The following GNAQ variants were observed in gnomAD, a reference collection of about 807,000 sequenced individuals.
GNAQ encodes the protein guanine nucleotide-binding protein G(q) subunit alpha.
GNAQ carries 8 observed loss-of-function variants against 43.9 expected under a neutral mutation model. That is an observed-to-expected ratio of 0.18 (90% CI 0.11 to 0.33). The LOEUF (loss-of-function observed/expected upper bound fraction) is 0.33, where lower values mean the gene tolerates loss of function less well. GNAQ is among the 10% of genes least tolerant of loss of function. The pLI, the probability that GNAQ is intolerant of heterozygous loss-of-function variation, is 1.00. For synonymous variants in GNAQ, 155 were observed against 170.7 expected, an observed-to-expected ratio of 0.91 and a Z score of 0.71; for missense variants, 158 against 450.8, an observed-to-expected ratio of 0.35 and a Z score of 5.88.
At chr9:77,762,283 G>T (rs1202739687) in intron 5 of GNAQ, among the ~76,000 whole-genome samples, 3 of 117,000 alleles carry the variant, frequency 2.6e-5, no homozygotes, top group African/African-American at 3.2e-5. Context: ...CAGCCGCCCC[G>T]TCCGGGAGGG....
chr9:77,778,380 T>C (rs1045593924), intron 5 of GNAQ, among the ~76,000 whole-genome samples: 1 of 151,902 alleles, frequency 6.6e-6, no homozygotes, highest in Non-Finnish European at 1.5e-5. Flanking sequence ...CCTGGGTTAG[T>C]TGTAAATGTA....
intron 5 of GNAQ, among the ~76,000 whole-genome samples, chr9:77,781,319 CT>C (rs35894949): frequency 0.58 from 88,564 of 151,790 alleles, 27,053 homozygotes; most frequent in Middle Eastern, 0.71. Flanking sequence ...GGATATCTAG[CT>C]TTTCACAACA....
At chr9:77,934,512 G>C (rs893240611) in intron 1 of GNAQ, among the ~76,000 whole-genome samples, 2 of 152,040 alleles carry the variant, frequency 1.3e-5, no homozygotes, top group African/African-American at 4.8e-5. Context: ...GTGCTAGAGG[G>C]AGCCAGCCAA....
At chr9:77,785,058 T>C (rs72734801) in intron 5 of GNAQ, among the ~76,000 whole-genome samples, 3,637 of 152,266 alleles carry the variant, frequency 0.024, 65 homozygotes, top group Non-Finnish European at 0.037. Flanking sequence ...CTGAGAAAGG[T>C]ATGTCTATGC....
chr9:78,030,991 G>A (rs2118631603), intron 1 of GNAQ, 109 bp downstream of exon 1: 1 of 787,714 alleles, frequency 1.3e-6, no homozygotes, highest in Non-Finnish European at 1.7e-6. Flanking sequence ...GAGGGTAGGG[G>A]CGAACCGCGG....
intron 1 of GNAQ, among the ~76,000 whole-genome samples, chr9:77,929,116 G>A (rs1399898428): frequency 2.0e-5 from 3 of 152,190 alleles, no homozygotes; most frequent in African/African-American, 7.2e-5. Context: ...AGAACAGGAA[G>A]TTTATGTGAA....
At chr9:77,902,295 A>G (rs1828628078) in intron 2 of GNAQ, among the ~76,000 whole-genome samples, 1 of 152,202 alleles carries the variant, frequency 6.6e-6, no homozygotes, top group African/African-American at 2.4e-5. Flanking sequence ...ATTTCCAAAT[A>G]TTTCATCTGA....
intron 2 of GNAQ, among the ~76,000 whole-genome samples, chr9:77,869,185 A>C (rs1478262682): frequency 1.3e-5 from 2 of 152,190 alleles, no homozygotes; most frequent in African/African-American, 4.8e-5. Context: ...TCATCATTTC[A>C]ATAGGAAAAA....
At chr9:78,003,442 A>G (rs1460654831) in intron 1 of GNAQ, among the ~76,000 whole-genome samples, 2 of 152,210 alleles carry the variant, frequency 1.3e-5, no homozygotes, top group Admixed American at 6.5e-5. Context: ...GGACAAGGCC[A>G]CTGATACCTT....
At chr9:78,004,769 C>T (rs1823685160) in intron 1 of GNAQ, among the ~76,000 whole-genome samples, 1 of 152,030 alleles carries the variant, frequency 6.6e-6, no homozygotes, top group Non-Finnish European at 1.5e-5. Context: ...CACCATTTAA[C>T]ATGGGTTTTG....
At chr9:77,779,485 T>G (rs1017672863) in intron 5 of GNAQ, among the ~76,000 whole-genome samples, 1 of 151,636 alleles carries the variant, frequency 6.6e-6, no homozygotes, top group Non-Finnish European at 1.5e-5. Flanking sequence ...TATCTAAATT[T>G]CCACCTCAGG....
chr9:77,814,692 T>C (rs1374946261), intron 3 of GNAQ, among the ~76,000 whole-genome samples: 2 of 152,186 alleles, frequency 1.3e-5, no homozygotes, highest in South Asian at 2.1e-4. Context: ...GGCCTCTTAT[T>C]TTCCCCAAGG....
chr9:77,885,348 C>G (rs560955625), intron 2 of GNAQ, among the ~76,000 whole-genome samples: 4 of 152,230 alleles, frequency 2.6e-5, no homozygotes, highest in African/African-American at 7.2e-5. Flanking sequence ...AGCAAAACTC[C>G]AAGAACAAAC....
At chr9:77,732,676 A>G (rs1294533419) in intron 5 of GNAQ, among the ~76,000 whole-genome samples, 1 of 152,124 alleles carries the variant, frequency 6.6e-6, no homozygotes, top group Non-Finnish European at 1.5e-5. Flanking sequence ...GGATACTAGT[A>G]AAGGTTTTAC....
At chr9:77,831,738 A>G (rs1274458290) in intron 2 of GNAQ, among the ~76,000 whole-genome samples, 1 of 152,222 alleles carries the variant, frequency 6.6e-6, no homozygotes, top group Non-Finnish European at 1.5e-5. Flanking sequence ...TATATAGAGA[A>G]TACATCTTAT....
At chr9:77,914,828 CA>C (rs71503232) in intron 2 of GNAQ, among the ~76,000 whole-genome samples, 8,175 of 98,096 alleles carry the variant, frequency 0.083, 215 homozygotes, top group African/African-American at 0.093. Context: ...TTTTGAACAC[CA>C]AAAAAAAAAA....
intron 2 of GNAQ, among the ~76,000 whole-genome samples, chr9:77,843,272 T>C (rs1318643049): frequency 6.6e-6 from 1 of 151,958 alleles, no homozygotes. Flanking sequence ...GACAGGCAGA[T>C]GGGTGGAGCA....
intron 2 of GNAQ, among the ~76,000 whole-genome samples, chr9:77,886,957 A>C (rs1360410821): frequency 3.5e-5 from 1 of 28,172 alleles, no homozygotes. Flanking sequence ...AAAGAAATAC[A>C]AAAAAAAAAA....
intron 2 of GNAQ, among the ~76,000 whole-genome samples, chr9:77,855,002 A>G (rs1278580344): frequency 1.3e-5 from 2 of 152,208 alleles, no homozygotes; most frequent in African/African-American, 4.8e-5. Flanking sequence ...AGCTCTGCAG[A>G]TATTTTACTG....
Sources: gnomAD v4.1 joint callset for allele counts (sites outside exome capture counted in the v4.1 genomes callset) on GRCh38, gnomAD v4.1.1 for gene constraint, MANE v1.5 for transcripts, NCBI Gene and HGNC (gene_info 2026-07-23, HGNC 2026-07-21) for gene names.